Variants in KCNIP4 observed in about 807,000 individuals in gnomAD.
KCNIP4 encodes the protein potassium voltage-gated channel interacting protein 4.
Under a neutral mutation model 34.0 loss-of-function variants are expected in KCNIP4, and 12 were observed. The ratio of observed to expected loss-of-function variants is 0.35; its 90% CI spans 0.23 to 0.57. KCNIP4 has a LOEUF of 0.57. Among genes scored for constraint, KCNIP4 ranks in the 20% least tolerant of loss-of-function variants. The pLI is 0.83. For missense variants in KCNIP4, 238 were observed against 311.7 expected, an observed-to-expected ratio of 0.76 and a Z score of 1.78; for synonymous variants, 124 against 102.2, an observed-to-expected ratio of 1.21 and a Z score of -1.29.
chr4:21,123,192 C>T (rs768789715), intron 1 of KCNIP4, among the ~76,000 whole-genome samples: 18 of 138,356 alleles, frequency 1.3e-4, no homozygotes, highest in Middle Eastern at 3.6e-3. Context: ...CCAGCCTGAA[C>T]GACAGAGCAA....
At position 21,907,691 on chromosome 4, in the gene KCNIP4, C is replaced by T. The variant is rs116106266; in HGVS notation, c.61+40880G>A. ...TAGTGTTTCTGTGTTCCTGTTTCCC[C>T]AATCCTCACCAACCCTTGACATAAG... On this transcript the variant is annotated intron_variant, in intron 1 of 8. Coordinates refer to ENST00000382152, the MANE Select transcript of KCNIP4 (RefSeq NM_025221.6). Among the ~76,000 whole-genome samples the T allele has an allele frequency of 3.4e-3, 517 of 152,188 alleles. 3 individuals carry two copies. The highest frequency in any genetic ancestry group is 0.012 in the African/African-American group (492 of 41,524).
At chr4:21,257,220 T>G (rs1184046573) in intron 1 of KCNIP4, among the ~76,000 whole-genome samples, 1 of 152,188 alleles carries the variant, frequency 6.6e-6, no homozygotes, top group Non-Finnish European at 1.5e-5. Flanking sequence ...AGAGTTCCAC[T>G]TTTGGCATGT....
rs1301550618 is a variant in KCNIP4, at chr4:21,414,083, T to C, written c.62-531374A>G. ...TGGCCTTACATTCTAGCAGAGGAAG[T>C]TATAAACAAAATCTATAAGTAAATA... On this transcript the variant is annotated intron_variant, in intron 1 of 8. Coordinates refer to ENST00000382152, the MANE Select transcript of KCNIP4 (RefSeq NM_025221.6). 2.0e-5 allele frequency among the ~76,000 whole-genome samples: 3 copies of C among 152,212 alleles called. No individual in the cohort carries two copies. The East Asian group carries it at 5.8e-4, about 29-fold the overall frequency.
At chr4:21,538,095 A>G (rs1398920650) in intron 1 of KCNIP4, among the ~76,000 whole-genome samples, 3 of 150,990 alleles carry the variant, frequency 2.0e-5, no homozygotes, top group Non-Finnish European at 4.4e-5. Flanking sequence ...GCATGAACAG[A>G]TGGAGGCAGA....
chr4:21,411,460 C>T (rs1724498823), intron 1 of KCNIP4, among the ~76,000 whole-genome samples: 1 of 152,114 alleles, frequency 6.6e-6, no homozygotes. Flanking sequence ...TTCTATACCA[C>T]TGATATTAAC....
At chr4:21,387,394 T>C (rs13129012) in intron 1 of KCNIP4, among the ~76,000 whole-genome samples, 3,690 of 152,176 alleles carry the variant, frequency 0.024, 189 homozygotes, top group East Asian at 0.19. Context: ...CAGGTGTGCT[T>C]AATTGCAGTA....
intron 1 of KCNIP4, among the ~76,000 whole-genome samples, chr4:21,261,519 A>G (rs1021058699): frequency 1.3e-5 from 2 of 152,200 alleles, no homozygotes; most frequent in Non-Finnish European, 2.9e-5. Context: ...TCCTAGATTC[A>G]ACACAGCATT....
intron 1 of KCNIP4, among the ~76,000 whole-genome samples, chr4:21,455,591 T>C (rs1728855698): frequency 6.6e-6 from 1 of 150,730 alleles, no homozygotes; most frequent in Non-Finnish European, 1.5e-5. Flanking sequence ...ATGTAGGTTC[T>C]ATTGCACTCA....
chr4:21,778,224 C>T lies in KCNIP4; in HGVS notation c.61+170347G>A, dbSNP rs77430305. On this transcript the variant is annotated intron_variant, in intron 1 of 8. Transcript: ENST00000382152. Reference sequence around the variant, plus strand: ...TTATTTGTTTCTTTTTCCTTTTTTCCTTTTTTTTTTTCTTTTTTTTTTTTT... The same window carrying T: ...TTATTTGTTTCTTTTTCCTTTTTTCTTTTTTTTTTTTCTTTTTTTTTTTTT... Among the ~76,000 whole-genome samples the T allele has an allele frequency of 2.7e-4, 28 of 102,378 alleles. 2 individuals are homozygous for T. Among genetic ancestry groups the T allele is most frequent in the African/African-American group, 9.2e-4 (20 of 21,732 alleles). The allele number at this position is 102,378 out of a possible 152,430, so 67.2% of individuals were successfully genotyped here.
At position 21,065,765 on chromosome 4, in the gene KCNIP4, T is replaced by TAA. The variant is rs1553933177; in HGVS notation, c.62-183058_62-183057dup. On this transcript the variant is annotated intron_variant, in intron 1 of 8. Coordinates refer to ENST00000382152, the MANE Select transcript of KCNIP4 (RefSeq NM_025221.6). ...ATATATATATATATATATATATATA[T>TAA]AACTCAATTTTATTTTAAAAAATAG... 2.8e-3 allele frequency among the ~76,000 whole-genome samples: 323 copies of TAA among 114,794 alleles called. 4 individuals carry two copies. The highest frequency in any genetic ancestry group is 8.2e-3 in the African/African-American group (260 of 31,796). 75.3% of individuals were successfully genotyped at this position (114,794 alleles called of 152,430 possible).
chr4:21,454,043 A>T (rs1294779371), intron 1 of KCNIP4, among the ~76,000 whole-genome samples: 1 of 151,990 alleles, frequency 6.6e-6, no homozygotes, highest in East Asian at 1.9e-4. Context: ...ACTCAAAAAC[A>T]TTAACTACTG....
intron 1 of KCNIP4, among the ~76,000 whole-genome samples, chr4:21,648,768 A>G (rs1046532365): frequency 6.6e-6 from 1 of 152,198 alleles, no homozygotes; most frequent in African/African-American, 2.4e-5. Context: ...GTTGTTTAGA[A>G]AGGAAAAATT....
At chr4:21,797,270 G>A (rs1317107937) in intron 1 of KCNIP4, among the ~76,000 whole-genome samples, 2 of 152,146 alleles carry the variant, frequency 1.3e-5, no homozygotes, top group Non-Finnish European at 2.9e-5. Flanking sequence ...GCCACTGTGT[G>A]GCTAGGAGTA....
At chr4:21,729,863 A>G (rs557237396) in intron 1 of KCNIP4, 26 of 152,310 alleles carry the variant, frequency 1.7e-4, no homozygotes, top group East Asian at 1.3e-3. Flanking sequence ...TCTTGTTTGG[A>G]AAGTATTTAA....
At chr4:20,730,351 A>G (rs901760977) in intron 8 of KCNIP4, among the ~76,000 whole-genome samples, 1 of 152,212 alleles carries the variant, frequency 6.6e-6, no homozygotes, top group African/African-American at 2.4e-5. Flanking sequence ...TCTATTGACC[A>G]GGCATTAAAC....
intron 1 of KCNIP4, among the ~76,000 whole-genome samples, chr4:21,124,984 C>T (rs1750485716): frequency 1.3e-5 from 2 of 151,268 alleles, no homozygotes; most frequent in Non-Finnish European, 2.9e-5. Context: ...AAATAGAATT[C>T]CCCGGTGAAG....
chr4:20,929,627 A>T (rs1048162298), intron 1 of KCNIP4, among the ~76,000 whole-genome samples: 2 of 102,250 alleles, frequency 2.0e-5, no homozygotes, highest in African/African-American at 5.8e-5. Context: ...ATAATCCCTT[A>T]TGTAGAAAAC....
intron 1 of KCNIP4, among the ~76,000 whole-genome samples, chr4:21,156,848 A>G (rs1172272697): frequency 1.3e-5 from 2 of 152,196 alleles, no homozygotes; most frequent in Admixed American, 6.5e-5. Context: ...ACAAAGCCCC[A>G]TAGCCAACTA....
chr4:21,049,455 C>T (rs1296095718), intron 1 of KCNIP4, among the ~76,000 whole-genome samples: 2 of 152,138 alleles, frequency 1.3e-5, no homozygotes, highest in Admixed American at 1.3e-4. Flanking sequence ...GCATGTTCAA[C>T]CCCAGTACCT....
Sources: gnomAD v4.1 joint callset for allele counts (sites outside exome capture counted in the v4.1 genomes callset) on GRCh38, gnomAD v4.1.1 for gene constraint, MANE v1.5 for transcripts, NCBI Gene and HGNC (gene_info 2026-07-23, HGNC 2026-07-21) for gene names.